SV2C: variants seen among roughly 807,000 people sequenced by gnomAD.
SV2C encodes synaptic vesicle glycoprotein 2C, also known as solute carrier family 22 member B3.
Under a neutral mutation model 79.7 loss-of-function variants are expected in SV2C, and 49 were observed. That is an observed-to-expected ratio of 0.61 (90% CI 0.49 to 0.78). SV2C has a LOEUF of 0.78. Among genes scored for constraint, SV2C ranks in the 30% least tolerant of loss-of-function variants. The probability of loss-of-function intolerance (pLI) is 0.00; values close to 1 mark genes in which losing one functional copy is unlikely to be tolerated. For synonymous variants in SV2C, 334 were observed against 333.2 expected (o/e 1.00, Z -0.03); for missense variants, 833 against 912.9 (o/e 0.91, Z 1.13).
chr5:75,916,458 T>TCTCTTCTTCCTCCTCCTC, the SV2C span, among the ~76,000 whole-genome samples: 1 of 140,798 alleles, frequency 7.1e-6, no homozygotes, highest in Non-Finnish European at 1.5e-5. Flanking sequence ...TCCTCCTCCT[T>TCTCTTCTTCCTCCTCCTC]CTCTTCTTCC....
chr5:75,975,638 C>T, the SV2C span, among the ~76,000 whole-genome samples: 7 of 152,194 alleles, frequency 4.6e-5, no homozygotes, highest in East Asian at 1.9e-4. Flanking sequence ...TCTGTGAACT[C>T]GCAACAGGAA....
chr5:76,299,036 G>A (rs1561304836), intron 10 of SV2C, 109 bp downstream of exon 10: 1 of 1,242,412 alleles, frequency 8.0e-7, no homozygotes, highest in Admixed American at 2.8e-5. Flanking sequence ...GGATATTAAA[G>A]AATAAATGGA....
chr5:76,254,059 T>C (rs1487370464), intron 4 of SV2C, among the ~76,000 whole-genome samples: 2 of 151,902 alleles, frequency 1.3e-5, no homozygotes, highest in African/African-American at 4.8e-5. Flanking sequence ...GGCAGGAGCA[T>C]TGCTTGAGGC....
At chr5:75,997,772 A>T in the SV2C span, among the ~76,000 whole-genome samples, 1 of 152,314 alleles carries the variant, frequency 6.6e-6, no homozygotes, top group East Asian at 1.9e-4. Context: ...CCATTGTGGA[A>T]GTTAGTGTGG....
chr5:76,203,952 A>G (rs969472502), intron 3 of SV2C, among the ~76,000 whole-genome samples: 12 of 152,162 alleles, frequency 7.9e-5, no homozygotes, highest in African/African-American at 2.9e-4. Context: ...TTTTTCTCCC[A>G]TTTCTATCTT....
At chr5:76,065,834 A>G in the SV2C span, among the ~76,000 whole-genome samples, 1 of 152,312 alleles carries the variant, frequency 6.6e-6, no homozygotes, top group Non-Finnish European at 1.5e-5. Context: ...GTGCTGTTAG[A>G]AATAACACTG....
At chr5:76,030,737 G>C in the SV2C span, among the ~76,000 whole-genome samples, 1 of 151,340 alleles carries the variant, frequency 6.6e-6, no homozygotes, top group East Asian at 1.9e-4. Context: ...ACTCCAGCCT[G>C]GGCAACAGAG....
At chr5:76,300,510 C>G (rs936172746) in intron 10 of SV2C, among the ~76,000 whole-genome samples, 1 of 152,116 alleles carries the variant, frequency 6.6e-6, no homozygotes, top group Non-Finnish European at 1.5e-5. Flanking sequence ...TTCCTTTATT[C>G]AGCAAAGGTA....
chr5:76,123,368 C>T (rs942748430), intron 1 of SV2C, among the ~76,000 whole-genome samples: 5 of 152,210 alleles, frequency 3.3e-5, no homozygotes, highest in Admixed American at 1.3e-4. Flanking sequence ...TCCTCCCTAA[C>T]TCATTTGATA....
the SV2C span, among the ~76,000 whole-genome samples, chr5:75,980,299 G>A: frequency 6.6e-6 from 1 of 152,182 alleles, no homozygotes; most frequent in East Asian, 1.9e-4. Context: ...AATGAAGACT[G>A]TACTATTCTT....
intron 12 of SV2C, among the ~76,000 whole-genome samples, chr5:76,320,353 C>T (rs537678442): frequency 6.6e-6 from 1 of 152,200 alleles, no homozygotes; most frequent in Admixed American, 6.5e-5. Context: ...CTACATGATA[C>T]TGTAATGATG....
the SV2C span, among the ~76,000 whole-genome samples, chr5:76,030,770 A>C: frequency 4.6e-5 from 7 of 152,018 alleles, no homozygotes; most frequent in Non-Finnish European, 8.8e-5. Context: ...TCAAAAAAAA[A>C]AGAAAGAAAA....
intron 4 of SV2C, among the ~76,000 whole-genome samples, chr5:76,242,664 G>C (rs1234247593): frequency 2.6e-5 from 4 of 152,250 alleles, no homozygotes; most frequent in South Asian, 2.1e-4. Flanking sequence ...TTAAAATCCA[G>C]GTGTGTCTGA....
At chr5:75,859,360 C>G in the SV2C span, among the ~76,000 whole-genome samples, 1 of 152,212 alleles carries the variant, frequency 6.6e-6, no homozygotes, top group Non-Finnish European at 1.5e-5. Flanking sequence ...TTTAAAGTCT[C>G]TGGGAGAAAA....
At chr5:76,112,123 G>A (rs2112141369) in intron 1 of SV2C, among the ~76,000 whole-genome samples, 1 of 152,324 alleles carries the variant, frequency 6.6e-6, no homozygotes, top group East Asian at 1.9e-4. Flanking sequence ...TAACAAAATA[G>A]GAAGAGTTCC....
At chr5:76,284,399 T>G (rs1275516687) in intron 4 of SV2C, among the ~76,000 whole-genome samples, 2 of 152,176 alleles carry the variant, frequency 1.3e-5, no homozygotes, top group Non-Finnish European at 2.9e-5. Context: ...CTAATAATTG[T>G]ACTGGTCAGG....
chr5:76,207,246 A>C (rs1744634980), intron 3 of SV2C, among the ~76,000 whole-genome samples: 1 of 152,156 alleles, frequency 6.6e-6, no homozygotes, highest in South Asian at 2.1e-4. Context: ...ATATCCTGAC[A>C]TACAATAGTG....
At chr5:76,056,303 T>G in the SV2C span, among the ~76,000 whole-genome samples, 2 of 152,212 alleles carry the variant, frequency 1.3e-5, no homozygotes, top group African/African-American at 2.4e-5. Flanking sequence ...TTTATTGAAG[T>G]GTGCATGTTG....
At chr5:76,307,973 G>A (rs990332426) in intron 12 of SV2C, among the ~76,000 whole-genome samples, 3 of 152,120 alleles carry the variant, frequency 2.0e-5, no homozygotes, top group Non-Finnish European at 4.4e-5. Context: ...TATTATGGCT[G>A]CTTTAAAATA....
Sources: allele counts gnomAD v4.1 joint callset (sites outside exome capture counted in the v4.1 genomes callset), GRCh38; gene constraint gnomAD v4.1.1; transcripts MANE v1.5; gene names NCBI Gene and HGNC (gene_info 2026-07-23, HGNC 2026-07-21).